Variants in LOC128462377 observed in about 807,000 individuals in gnomAD.
chr16:89,345,024 G>A, the LOC128462377 span, among the ~76,000 whole-genome samples: 2 of 152,146 alleles, frequency 1.3e-5, no homozygotes, highest in African/African-American at 2.4e-5. Context: ...CAGGAGGAAC[G>A]GCAAGGCCAA....
chr16:89,408,239 C>T, the LOC128462377 span, among the ~76,000 whole-genome samples: 2 of 152,242 alleles, frequency 1.3e-5, no homozygotes, highest in African/African-American at 4.8e-5. Context: ...AGCGCTGTTC[C>T]CTCAGAAGCC....
chr16:89,399,295 T>C, the LOC128462377 span, among the ~76,000 whole-genome samples: 9 of 151,992 alleles, frequency 5.9e-5, no homozygotes, highest in Non-Finnish European at 1.0e-4. Context: ...AAGACACTCA[T>C]AGGTGAGTGG....
chr16:89,326,763 C>CA, the LOC128462377 span, among the ~76,000 whole-genome samples: 1 of 151,932 alleles, frequency 6.6e-6, no homozygotes, highest in African/African-American at 2.4e-5. Flanking sequence ...AACCCCAAAC[C>CA]AAAAAAACAC....
At chr16:89,389,787 C>T in the LOC128462377 span, among the ~76,000 whole-genome samples, 1 of 130,972 alleles carries the variant, frequency 7.6e-6, no homozygotes, top group Non-Finnish European at 1.6e-5. Flanking sequence ...GGGCAAACAC[C>T]GAGTGTGGCG....
the LOC128462377 span, among the ~76,000 whole-genome samples, chr16:89,342,994 C>T: frequency 6.6e-6 from 1 of 152,128 alleles, no homozygotes; most frequent in Non-Finnish European, 1.5e-5. Flanking sequence ...AGACTATGTA[C>T]TCATGTCTGT....
At chr16:89,349,441 C>T in the LOC128462377 span, among the ~76,000 whole-genome samples, 1 of 152,122 alleles carries the variant, frequency 6.6e-6, no homozygotes, top group African/African-American at 2.4e-5. Context: ...GATCGCGCCA[C>T]TGCACTCCAG....
chr16:89,394,245 G>T, the LOC128462377 span, among the ~76,000 whole-genome samples: 1 of 152,192 alleles, frequency 6.6e-6, no homozygotes, highest in Non-Finnish European at 1.5e-5. Flanking sequence ...CAGTTCCACA[G>T]TGGTCTCCCA....
At chr16:89,367,604 C>T in the LOC128462377 span, among the ~76,000 whole-genome samples, 1 of 152,186 alleles carries the variant, frequency 6.6e-6, no homozygotes, top group African/African-American at 2.4e-5. Flanking sequence ...GACAAGTCCA[C>T]ATTGCTTGGG....
At chr16:89,368,386 T>G in the LOC128462377 span, among the ~76,000 whole-genome samples, 194 of 129,416 alleles carry the variant, frequency 1.5e-3, 1 homozygote, top group Middle Eastern at 3.9e-3. Flanking sequence ...TTTTTTTTTT[T>G]TTTTTTTTTT....
the LOC128462377 span, chr16:89,324,570 A>C: frequency 2.2e-6 from 1 of 454,508 alleles, no homozygotes; most frequent in Non-Finnish European, 4.4e-6. Flanking sequence ...CGAACCCTCC[A>C]TCTGGGGGGG....
the LOC128462377 span, among the ~76,000 whole-genome samples, chr16:89,329,423 AG>A: frequency 2.0e-5 from 3 of 152,192 alleles, no homozygotes; most frequent in Non-Finnish European, 2.9e-5. Context: ...AAAAAACACA[AG>A]GGGTGTAAGG....
At chr16:89,347,350 C>G in the LOC128462377 span, among the ~76,000 whole-genome samples, 1 of 152,200 alleles carries the variant, frequency 6.6e-6, no homozygotes, top group South Asian at 2.1e-4. Flanking sequence ...TGGCTCATGC[C>G]TGTAATCCCA....
At chr16:89,380,141 C>A in the LOC128462377 span, among the ~76,000 whole-genome samples, 1 of 152,078 alleles carries the variant, frequency 6.6e-6, no homozygotes, top group South Asian at 2.1e-4. Context: ...GAGACAGAGT[C>A]TCATTCTGTC....
At chr16:89,324,966 A>C in the LOC128462377 span, 126 of 169,576 alleles carry the variant, frequency 7.4e-4, no homozygotes, top group Non-Finnish European at 1.2e-3. Flanking sequence ...ACTCGTACAC[A>C]CAAGTACTGG....
At chr16:89,353,104 G>A in the LOC128462377 span, among the ~76,000 whole-genome samples, 16 of 152,322 alleles carry the variant, frequency 1.1e-4, no homozygotes, top group East Asian at 2.7e-3. Context: ...AGCACTTTGG[G>A]AGGCCAAGGC....
At chr16:89,338,912 C>T in the LOC128462377 span, among the ~76,000 whole-genome samples, 1 of 152,056 alleles carries the variant, frequency 6.6e-6, no homozygotes, top group African/African-American at 2.4e-5. Flanking sequence ...ACAAAAAAAT[C>T]ACCCAGATAT....
the LOC128462377 span, among the ~76,000 whole-genome samples, chr16:89,381,959 T>C: frequency 6.6e-6 from 1 of 152,226 alleles, no homozygotes; most frequent in Non-Finnish European, 1.5e-5. Flanking sequence ...TATCTAGTTC[T>C]ATCTTCAATG....
chr16:89,323,467 G>A, the LOC128462377 span: 1 of 247,112 alleles, frequency 4.0e-6, no homozygotes, highest in Non-Finnish European at 7.3e-6. Context: ...CAGAGCCGAG[G>A]GCAGGGGGGC....
At chr16:89,404,415 T>C in the LOC128462377 span, among the ~76,000 whole-genome samples, 1 of 152,214 alleles carries the variant, frequency 6.6e-6, no homozygotes, top group Non-Finnish European at 1.5e-5. Context: ...TACAACCCTA[T>C]TATGTCTCCT....
Sources: allele counts gnomAD v4.1 joint callset (sites outside exome capture counted in the v4.1 genomes callset), GRCh38; gene constraint gnomAD v4.1.1; transcripts MANE v1.5.